EIF4E3: variants seen among roughly 807,000 people sequenced by gnomAD.
EIF4E3 encodes the protein eukaryotic translation initiation factor 4E family member 3.
Under a neutral mutation model 31.7 loss-of-function variants are expected in EIF4E3, and 26 were observed. The observed-to-expected ratio is 0.82, with a 90% CI of 0.60 to 1.14. The LOEUF (loss-of-function observed/expected upper bound fraction) is 1.14, where lower values mean the gene tolerates loss of function less well. EIF4E3 is among the 50% of genes most tolerant of loss of function. The pLI is 0.00. For missense variants in EIF4E3, 304 were observed against 270.9 expected (o/e 1.12, Z -0.86); for synonymous variants, 128 against 107.7 (o/e 1.19, Z -1.17).
chr3:71,743,755 A>G (rs2049843893), intron 1 of EIF4E3, among the ~76,000 whole-genome samples: 1 of 152,210 alleles, frequency 6.6e-6, no homozygotes, highest in South Asian at 2.1e-4. Context: ...TGACATCAAG[A>G]TAGACAAACA....
chr3:71,696,641 G>A (rs2049141135), intron 3 of EIF4E3, 121 bp from the exon 4 acceptor site: 2 of 1,121,646 alleles, frequency 1.8e-6, no homozygotes, highest in Non-Finnish European at 2.5e-6. Context: ...CAAAATAGTT[G>A]GGCATTTTTC....
upstream of EIF4E3, chr3:71,725,492 C>T (rs2049625073): frequency 5.8e-6 from 2 of 344,412 alleles, no homozygotes; most frequent in Non-Finnish European, 7.7e-6. The surrounding 1 kb of genome is among the most constrained non-coding windows in gnomAD (Gnocchi z 6.1). Flanking sequence ...AGCCGCCCGC[C>T]GCCCGCCGCC....
At chr3:71,736,688 T>C (rs1308411607) in intron 1 of EIF4E3, among the ~76,000 whole-genome samples, 2 of 152,182 alleles carry the variant, frequency 1.3e-5, no homozygotes, top group South Asian at 2.1e-4. Context: ...CAAAGATTTT[T>C]ATGAAAATAA....
the EIF4E3 span, among the ~76,000 whole-genome samples, chr3:71,669,240 G>A: frequency 6.6e-6 from 1 of 150,468 alleles, no homozygotes; most frequent in Non-Finnish European, 1.5e-5. Context: ...ATCACACACC[G>A]GGGCCTGTTG....
intron 1 of EIF4E3, among the ~76,000 whole-genome samples, chr3:71,719,792 T>C (rs989177810): frequency 5.9e-5 from 9 of 151,974 alleles, no homozygotes; most frequent in African/African-American, 9.7e-5. Context: ...GGTGGGAGAA[T>C]TGCTCGAGCC....
the EIF4E3 span, among the ~76,000 whole-genome samples, chr3:71,668,702 C>G: frequency 6.6e-6 from 1 of 152,298 alleles, no homozygotes. Flanking sequence ...GAGACACCAT[C>G]TCACGCCAGT....
At chr3:71,742,192 G>T (rs1314207214) in intron 1 of EIF4E3, among the ~76,000 whole-genome samples, 1 of 151,890 alleles carries the variant, frequency 6.6e-6, no homozygotes, top group African/African-American at 2.4e-5. Context: ...AAACAGTAGA[G>T]AACATCAATG....
At chr3:71,695,353 G>T (rs189116412) in intron 4 of EIF4E3, among the ~76,000 whole-genome samples, 151 of 152,278 alleles carry the variant, frequency 9.9e-4, no homozygotes, top group African/African-American at 3.6e-3. Flanking sequence ...GTGACCCAAC[G>T]CAGCCAAGTG....
chr3:71,744,764 C>T (rs886600596), intron 1 of EIF4E3, among the ~76,000 whole-genome samples: 2 of 152,162 alleles, frequency 1.3e-5, no homozygotes, highest in African/African-American at 2.4e-5. Flanking sequence ...TATATATTTA[C>T]GTCCAAAGCA....
chr3:71,745,549 C>G (rs1474599845), intron 1 of EIF4E3, among the ~76,000 whole-genome samples: 1 of 152,198 alleles, frequency 6.6e-6, no homozygotes, highest in Non-Finnish European at 1.5e-5. Flanking sequence ...AATCGATGCA[C>G]TATTTGATTT....
intron 1 of EIF4E3, among the ~76,000 whole-genome samples, chr3:71,713,611 A>AT (rs1369100779): frequency 6.6e-6 from 1 of 151,728 alleles, no homozygotes; most frequent in African/African-American, 2.4e-5. Flanking sequence ...TAATTTTTGT[A>AT]TTTTTTGTAG....
intron 2 of EIF4E3, among the ~76,000 whole-genome samples, chr3:71,702,014 T>C (rs2049224469): frequency 6.6e-6 from 1 of 152,156 alleles, no homozygotes; most frequent in African/African-American, 2.4e-5. Flanking sequence ...TGAGGGTGGG[T>C]AGGCAGGGCT....
intron 1 of EIF4E3, among the ~76,000 whole-genome samples, chr3:71,717,024 A>G (rs2049475523): frequency 6.6e-6 from 1 of 152,222 alleles, no homozygotes; most frequent in South Asian, 2.1e-4. Context: ...CACTATCTTA[A>G]TCATTACCTG....
At chr3:71,667,367 C>G in the EIF4E3 span, among the ~76,000 whole-genome samples, 1 of 152,212 alleles carries the variant, frequency 6.6e-6, no homozygotes, top group Non-Finnish European at 1.5e-5. Flanking sequence ...TCTGTCACCA[C>G]TCCTATTCAA....
intron 2 of EIF4E3, among the ~76,000 whole-genome samples, chr3:71,706,723 TG>T (rs1230677516): frequency 1.3e-5 from 2 of 151,976 alleles, no homozygotes; most frequent in African/African-American, 4.8e-5. Flanking sequence ...GGGAGGAGGC[TG>T]GGGTGGGAGG....
upstream of EIF4E3, among the ~76,000 whole-genome samples, chr3:71,729,948 T>C (rs1369964947): frequency 6.6e-6 from 1 of 152,140 alleles, no homozygotes; most frequent in African/African-American, 2.4e-5. Flanking sequence ...GGTGTGATAC[T>C]ATAAATATGC....
rs561035343 is a variant in EIF4E3 at position 71,679,344 on chromosome 3, T to C, written c.*5338A>G. On this transcript the variant is annotated 3_prime_UTR_variant, in exon 7 of 7. Coordinates refer to ENST00000425534, the MANE Select transcript of EIF4E3 (RefSeq NM_001134651.2). ...CACTTTAATAGATCCGAAATAAACA[T>C]CTGTTCCAAAATAAAAGTTCAAGAA... 1 of 152,330 alleles carries C rather than the reference T, an allele frequency of 6.6e-6. No individual in the cohort carries two copies. The highest frequency in any genetic ancestry group is 1.9e-4 in the East Asian group (1 of 5,192). 9.4% of individuals were successfully genotyped at this position (152,330 alleles called of 1,614,324 possible).
upstream of EIF4E3, among the ~76,000 whole-genome samples, chr3:71,727,683 A>G (rs534907019): frequency 8.5e-5 from 13 of 152,366 alleles, no homozygotes; most frequent in Non-Finnish European, 1.9e-4. Flanking sequence ...TATATAGCTG[A>G]TATATAAATA....
chr3:71,746,946 G>A (rs1427227790), intron 1 of EIF4E3, among the ~76,000 whole-genome samples: 1 of 152,184 alleles, frequency 6.6e-6, no homozygotes, highest in African/African-American at 2.4e-5. Flanking sequence ...ATCCACGCTG[G>A]AGCATCACAT....
Sources: allele counts gnomAD v4.1 joint callset (sites outside exome capture counted in the v4.1 genomes callset), GRCh38; gene constraint gnomAD v4.1.1; non-coding constraint Gnocchi (gnomAD v3.1); transcripts MANE v1.5; gene names NCBI Gene and HGNC (gene_info 2026-07-23, HGNC 2026-07-21).